Variants in MTDH observed in about 807,000 individuals in gnomAD.
MTDH encodes metadherin, also known as protein LYRIC.
In MTDH, 34 loss-of-function variants were observed where a neutral mutation model predicts 72.7. The observed-to-expected ratio is 0.47, with a 90% CI of 0.36 to 0.62. The LOEUF (loss-of-function observed/expected upper bound fraction) is 0.62. Ranked by LOEUF, MTDH falls within the 20% of genes least tolerant of loss-of-function variation. The pLI, the probability that MTDH is intolerant of heterozygous loss-of-function variation, is 0.00. For missense variants in MTDH, 677 were observed against 699.4 expected, an observed-to-expected ratio of 0.97 and a Z score of 0.36; for synonymous variants, 266 against 268.9, an observed-to-expected ratio of 0.99 and a Z score of 0.10.
intron 2 of MTDH, among the ~76,000 whole-genome samples, chr8:97,665,415 G>A (rs530576889): frequency 2.0e-5 from 3 of 152,248 alleles, no homozygotes; most frequent in African/African-American, 7.2e-5. Context: ...AATGCATTGT[G>A]CTAATAGATG....
At chr8:97,656,377 T>C (rs527937628) in intron 1 of MTDH, among the ~76,000 whole-genome samples, 3 of 147,194 alleles carry the variant, frequency 2.0e-5, no homozygotes, top group South Asian at 4.4e-4. Context: ...CGATCTCAGC[T>C]CACTGCAACC....
At position 97,686,714 on chromosome 8, in the gene MTDH, A is replaced by T; in HGVS notation, c.530A>T (p.Gln177Leu). The T allele has an allele frequency of 6.3e-7, 1 of 1,598,634 alleles. No homozygotes were observed. Among genetic ancestry groups the T allele is most frequent in the East Asian group, 2.3e-5 (1 of 44,174 alleles). ...TCAAAGTCAGATGCTAAAGCAGTGC[A>T]AAACAGTTCACGCCATGATGGAAAG... ...KKSKSDAKAV[Q>L]NSSRHDGKEV... The change falls in exon 3 of 12, where the codon CAA becomes CTA. Residue 177 changes from glutamine (Q) to leucine (L), a missense_variant. Gln to Leu is a moderately radical substitution (Grantham distance 113, BLOSUM62 -2). This residue lies in a region of MTDH where 467 missense variants were observed against 469.1 expected (regional missense o/e 1.00). Transcript: ENST00000336273.
Position 97,728,070 on chromosome 8 carries a change from C to T in MTDH, c.*3400C>T, listed in dbSNP as rs1040193956. The T allele has an allele frequency of 1.3e-5, 2 of 152,060 alleles. No homozygotes were observed. Among genetic ancestry groups the T allele is most frequent in the Non-Finnish European group, 2.9e-5 (2 of 68,004 alleles). The allele number at this position is 152,060 out of a possible 1,614,324, so 9.4% of individuals were successfully genotyped here. On this transcript the variant is annotated 3_prime_UTR_variant, in exon 12 of 12. Coordinates refer to ENST00000336273, the MANE Select transcript of MTDH (RefSeq NM_178812.4). ...GAGTTTAGTTTTTCTTAATTAAAAACAGTCCTCTATTAATATAGTGTGAAA... is the reference window on the plus strand; with the variant it reads ...GAGTTTAGTTTTTCTTAATTAAAAATAGTCCTCTATTAATATAGTGTGAAA...
chr8:97,701,173 T>C (rs1814107290), intron 7 of MTDH, among the ~76,000 whole-genome samples: 2 of 152,230 alleles, frequency 1.3e-5, no homozygotes, highest in South Asian at 2.1e-4. Flanking sequence ...TTTAATGAGA[T>C]AATGGGTGAA....
chr8:97,725,937 A>G lies in MTDH; in HGVS notation c.*1267A>G, dbSNP rs1471514163. On this transcript the variant is annotated 3_prime_UTR_variant, in exon 12 of 12. Transcript: ENST00000336273. ...TTTGACAAGGACCATAATTAACATC[A>G]CTTAGTGAATTGTGATAAAGAAAAA... is the stretch of plus-strand genomic sequence containing the variant. 1 of 152,606 alleles carries G rather than the reference A, an allele frequency of 6.6e-6. No homozygotes were observed. The highest frequency in any genetic ancestry group is 1.5e-5 in the Non-Finnish European group (1 of 68,032). The allele number at this position is 152,606 out of a possible 1,614,324, so 9.5% of individuals were successfully genotyped here. A position where few individuals can be genotyped will look rare whatever the true frequency, so the allele number is the denominator to read the frequency against.
chr8:97,662,431 G>A (rs780443906), intron 2 of MTDH, among the ~76,000 whole-genome samples: 16 of 151,896 alleles, frequency 1.1e-4, no homozygotes, highest in South Asian at 4.2e-4. Context: ...GTCACTGATC[G>A]GTAAGTGGTT....
chr8:97,682,247 TA>T lies in MTDH; in HGVS notation c.484-4420del, dbSNP rs1813131768. 1.0e-3 allele frequency among the ~76,000 whole-genome samples: 7 copies of T among 6,764 alleles called. 1 individual carries two copies. The East Asian group carries it at 0.011, about 11-fold the overall frequency. 4.4% of individuals were successfully genotyped at this position (6,764 alleles called of 152,430 possible). ...TAATTACTTTATATATATATATATA[TA>T]TATATATATATATATATATATATAT... On this transcript the variant is annotated intron_variant, in intron 2 of 11. Coordinates refer to ENST00000336273, the MANE Select transcript of MTDH (RefSeq NM_178812.4).
At chr8:97,668,236 C>G (rs1812469579) in intron 2 of MTDH, among the ~76,000 whole-genome samples, 1 of 151,780 alleles carries the variant, frequency 6.6e-6, no homozygotes, top group Non-Finnish European at 1.5e-5. Context: ...GCAGTGAGCC[C>G]AAATCGCATC....
At chr8:97,684,278 A>G (rs1813270972) in intron 2 of MTDH, among the ~76,000 whole-genome samples, 1 of 152,128 alleles carries the variant, frequency 6.6e-6, no homozygotes, top group East Asian at 1.9e-4. Context: ...TCCATGTTGA[A>G]ATGACAGTAT....
chr8:97,718,300 C>T lies in MTDH; in HGVS notation c.1381-749C>T, dbSNP rs1814958486. Among the ~76,000 whole-genome samples, 2 of 152,208 alleles carry T rather than the reference C, an allele frequency of 1.3e-5. 1 individual carries two copies. Among genetic ancestry groups the T allele is most frequent in the South Asian group, 4.1e-4 (2 of 4,836 alleles). The stretch of plus-strand genomic sequence containing the variant: ...TCAGGTGATCTGCCTGCCTCAGCCT[C>T]CCAAAGTGCTGGGATTACAGGCGTG... On this transcript the variant is annotated intron_variant, in intron 9 of 11. Transcript: ENST00000336273.
At chr8:97,646,956 A>G (rs967207126) in intron 1 of MTDH, among the ~76,000 whole-genome samples, 4 of 152,242 alleles carry the variant, frequency 2.6e-5, no homozygotes, top group African/African-American at 9.6e-5. Context: ...CATTACACAC[A>G]TAAAACTGTT....
rs1286663701 is a variant in MTDH, at chr8:97,726,081, CTG to C, written c.*1414_*1415del. On this transcript the variant is annotated 3_prime_UTR_variant, in exon 12 of 12. Coordinates refer to ENST00000336273, the MANE Select transcript of MTDH (RefSeq NM_178812.4). Reference sequence around the variant, plus strand: ...CATCCAATGTTGTCATTATATTTGACTGTGGTTCAACAGTATTGCGTTGTCAG... The same window carrying C: ...CATCCAATGTTGTCATTATATTTGACTGGTTCAACAGTATTGCGTTGTCAG... 1 of 152,604 alleles carries C rather than the reference CTG, an allele frequency of 6.6e-6. No individual in the cohort carries two copies. The highest frequency in any genetic ancestry group is 1.5e-5 in the Non-Finnish European group (1 of 68,038). 9.5% of individuals were successfully genotyped at this position (152,604 alleles called of 1,614,324 possible).
intron 2 of MTDH, among the ~76,000 whole-genome samples, chr8:97,663,394 A>G (rs1394300355): frequency 6.6e-6 from 1 of 152,146 alleles, no homozygotes; most frequent in Admixed American, 6.6e-5. Context: ...TGTATGTGTA[A>G]ATATACTTAC....
chr8:97,704,653 AT>A (rs1483311154), intron 7 of MTDH, among the ~76,000 whole-genome samples: 3 of 151,620 alleles, frequency 2.0e-5, no homozygotes, highest in Non-Finnish European at 4.4e-5. Context: ...ATAATGTTTT[AT>A]TTTTTTCTGT....
intron 7 of MTDH, among the ~76,000 whole-genome samples, chr8:97,702,373 G>A (rs1453109252): frequency 6.6e-6 from 1 of 152,152 alleles, no homozygotes; most frequent in Non-Finnish European, 1.5e-5. Context: ...CCCATATGCA[G>A]GTTACATGAT....
intron 2 of MTDH, among the ~76,000 whole-genome samples, chr8:97,671,395 A>G (rs922051467): frequency 6.6e-6 from 1 of 152,230 alleles, no homozygotes; most frequent in Admixed American, 6.5e-5. Flanking sequence ...GTCTTAAGGT[A>G]GACATTAAAG....
At chr8:97,671,655 C>T (rs1423472107) in intron 2 of MTDH, among the ~76,000 whole-genome samples, 26 of 151,978 alleles carry the variant, frequency 1.7e-4, no homozygotes. Context: ...CCAGCCTGGC[C>T]AACATGAAGA....
intron 2 of MTDH, among the ~76,000 whole-genome samples, chr8:97,679,683 A>G (rs965021696): frequency 1.3e-5 from 2 of 152,220 alleles, no homozygotes; most frequent in African/African-American, 4.8e-5. Flanking sequence ...ACAAATGTAT[A>G]CACTATCAGT....
At position 97,727,602 on chromosome 8, in the gene MTDH, T is replaced by A. The variant is rs1451984707; in HGVS notation, c.*2932T>A. ...CAGGGAGGAGCAGGGGAAGACAGCC[T>A]CCTATGGTGGCATGAATAAGATGCT... On this transcript the variant is annotated 3_prime_UTR_variant, in exon 12 of 12. Transcript: ENST00000336273. 1 of 151,854 alleles carries A rather than the reference T, an allele frequency of 6.6e-6. No individual in the cohort carries two copies. The highest frequency in any genetic ancestry group is 1.5e-5 in the Non-Finnish European group (1 of 68,010). 9.4% of individuals were successfully genotyped at this position (151,854 alleles called of 1,614,324 possible).
Sources: gnomAD v4.1 joint callset for allele counts (sites outside exome capture counted in the v4.1 genomes callset) on GRCh38, gnomAD v4.1.1 for gene constraint, gnomAD v4.1.1 regional missense constraint, MANE v1.5 for transcripts, NCBI Gene and HGNC (gene_info 2026-07-23, HGNC 2026-07-21) for gene names.